The following SNX9 variants were observed in gnomAD, a reference collection of about 807,000 sequenced individuals.
SNX9 encodes the protein sorting nexin 9, also known as sorting nexin-9.
In SNX9, 44 loss-of-function variants were observed where a neutral mutation model predicts 89.4. The ratio of observed to expected loss-of-function variants is 0.49; its 90% CI spans 0.39 to 0.63. The LOEUF (loss-of-function observed/expected upper bound fraction) is 0.63. Among genes scored for constraint, SNX9 ranks in the 30% least tolerant of loss-of-function variants. The pLI, the probability that SNX9 is intolerant of heterozygous loss-of-function variation, is 0.00. For missense variants in SNX9, 578 were observed against 736.1 expected (o/e 0.79, Z 2.49); for synonymous variants, 236 against 247.8 (o/e 0.95, Z 0.45).
At chr6:157,901,773 C>G in intron 5 of SNX9, 125 bp from the exon 6 acceptor site, 1 of 1,118,492 alleles carries the variant, frequency 8.9e-7, no homozygotes, top group Non-Finnish European at 1.3e-6. Context: ...ATACTATACC[C>G]TTTTCTCCAT....
At chr6:157,918,663 T>G (rs1399948197) in intron 9 of SNX9, among the ~76,000 whole-genome samples, 13 of 152,172 alleles carry the variant, frequency 8.5e-5, no homozygotes, top group Non-Finnish European at 1.9e-4. Context: ...TGTTTGCTTC[T>G]TTTTCCTCCT....
chr6:157,928,515 G>A, intron 11 of SNX9, 84 bp from the exon 12 acceptor site: 1 of 1,019,040 alleles, frequency 9.8e-7, no homozygotes. Flanking sequence ...GAAAACAAGT[G>A]TCTGTGGTTA....
At chr6:157,906,944 G>A (rs758753700) in intron 7 of SNX9, among the ~76,000 whole-genome samples, 1 of 152,164 alleles carries the variant, frequency 6.6e-6, no homozygotes, top group Non-Finnish European at 1.5e-5. Flanking sequence ...GGACTCAATC[G>A]AGGATGAGGA....
intron 1 of SNX9, among the ~76,000 whole-genome samples, chr6:157,858,662 A>G (rs1388311727): frequency 3.3e-5 from 5 of 152,198 alleles, no homozygotes; most frequent in Non-Finnish European, 5.9e-5. Context: ...GTAAAGACAT[A>G]CCTGAGACTG....
chr6:157,872,881 C>G, intron 2 of SNX9: 1 of 378,420 alleles, frequency 2.6e-6, no homozygotes. Context: ...AATCTTTGAT[C>G]ACTTATTATT....
rs147550162 is a variant in SNX9 at position 157,853,999 on chromosome 6, T to G, written c.13-13548T>G. Among the ~76,000 whole-genome samples, 28 of 152,364 alleles carry G rather than the reference T, an allele frequency of 1.8e-4. 1 individual carries two copies. The East Asian group carries it at 3.7e-3, about 20-fold the overall frequency. ...GAGGATTTGAACCTATGTGCCTGGC[T>G]TCAAAGCCAGCTTATCATTGGTATG... On this transcript the variant is annotated intron_variant, in intron 1 of 17. Coordinates refer to ENST00000392185, the MANE Select transcript of SNX9 (RefSeq NM_016224.5).
intron 1 of SNX9, among the ~76,000 whole-genome samples, chr6:157,832,540 C>T (rs771200128): frequency 2.0e-5 from 3 of 152,102 alleles, no homozygotes; most frequent in Non-Finnish European, 4.4e-5. Context: ...AAGAAATACC[C>T]GAGGCTAGGT....
At chr6:157,865,735 T>C (rs1782248685) in intron 1 of SNX9, among the ~76,000 whole-genome samples, 1 of 152,254 alleles carries the variant, frequency 6.6e-6, no homozygotes, top group Non-Finnish European at 1.5e-5. Context: ...TTTGGCTTTT[T>C]TTTCTTAGTC....
intron 14 of SNX9, among the ~76,000 whole-genome samples, chr6:157,936,886 AT>A (rs1056713835): frequency 3.3e-5 from 5 of 152,048 alleles, no homozygotes; most frequent in African/African-American, 1.2e-4. Flanking sequence ...ATTAAAAAAA[AT>A]TTTTTTTCAG....
rs1583253919 is a variant in SNX9, at chr6:157,944,476, C to G, written c.*1638C>G. The G allele has an allele frequency of 6.6e-6, 1 of 152,662 alleles. No homozygotes were observed. The highest frequency in any genetic ancestry group is 1.9e-4 in the East Asian group (1 of 5,190). 9.5% of individuals were successfully genotyped at this position (152,662 alleles called of 1,614,324 possible). On this transcript the variant is annotated 3_prime_UTR_variant, in exon 18 of 18. Transcript: ENST00000392185. ...GAATGTAAGAGCATGTAGAAGCCAA[C>G]ATATAAATAAATTGTTTAAAAAAAC...
intron 1 of SNX9, among the ~76,000 whole-genome samples, chr6:157,848,357 A>T (rs1055157463): frequency 6.6e-6 from 1 of 152,210 alleles, no homozygotes; most frequent in Non-Finnish European, 1.5e-5. Flanking sequence ...TGGGCAGGCT[A>T]TTAGGGGAAA....
chr6:157,882,370 A>G (rs1434072279), intron 4 of SNX9, among the ~76,000 whole-genome samples: 1 of 152,224 alleles, frequency 6.6e-6, no homozygotes, highest in Non-Finnish European at 1.5e-5. Flanking sequence ...ATGGAGATGT[A>G]CATGAAGATT....
intron 10 of SNX9, among the ~76,000 whole-genome samples, chr6:157,926,627 C>G (rs1007944794): frequency 4.6e-5 from 7 of 151,414 alleles, no homozygotes; most frequent in Non-Finnish European, 8.8e-5. Context: ...ACAAAAAATA[C>G]AAAAATTAGC....
chr6:157,904,747 T>C (rs932050772), intron 6 of SNX9, among the ~76,000 whole-genome samples: 3 of 152,102 alleles, frequency 2.0e-5, no homozygotes, highest in Admixed American at 6.5e-5. Context: ...TAAATAAAAG[T>C]GTTGCAGGTT....
rs773488655 is a variant in SNX9, at chr6:157,937,420, G to T, written c.1444-14G>T. On this transcript the variant is annotated splice_polypyrimidine_tract_variant and intron_variant, in intron 14 of 17. Coordinates refer to ENST00000392185, the MANE Select transcript of SNX9 (RefSeq NM_016224.5). Reference sequence around the variant, plus strand: ...TTTCTCTGCCAGTAACAATCAGCTTGTATCTTGTTATAGCCAAAGAAAGAT... The same window carrying T: ...TTTCTCTGCCAGTAACAATCAGCTTTTATCTTGTTATAGCCAAAGAAAGAT... 26 of 1,592,392 alleles carry T rather than the reference G, an allele frequency of 1.6e-5. No homozygotes were observed. The highest frequency in any genetic ancestry group is 2.1e-5 in the Non-Finnish European group (24 of 1,161,092).
intron 9 of SNX9, among the ~76,000 whole-genome samples, chr6:157,912,693 C>G (rs967332889): frequency 6.6e-6 from 1 of 152,136 alleles, no homozygotes; most frequent in African/African-American, 2.4e-5. Flanking sequence ...CTATGACATT[C>G]CTGTGGACTC....
At chr6:157,826,586 T>C (rs1712868449) in intron 1 of SNX9, among the ~76,000 whole-genome samples, 1 of 149,810 alleles carries the variant, frequency 6.7e-6, no homozygotes, top group South Asian at 2.1e-4. Context: ...CCTTACTCAG[T>C]AGAGTGCTGC....
At chr6:157,899,730 C>T (rs777820684) in intron 5 of SNX9, among the ~76,000 whole-genome samples, 4 of 152,022 alleles carry the variant, frequency 2.6e-5, no homozygotes, top group South Asian at 2.1e-4. Context: ...GCCAAGATTG[C>T]GCCACTGCAC....
chr6:157,844,230 A>G (rs894659455), intron 1 of SNX9, among the ~76,000 whole-genome samples: 1 of 152,192 alleles, frequency 6.6e-6, no homozygotes, highest in Non-Finnish European at 1.5e-5. Context: ...ATAGAGAAAG[A>G]GTAATTCATG....
Sources: gnomAD v4.1 joint callset for allele counts (sites outside exome capture counted in the v4.1 genomes callset) on GRCh38, gnomAD v4.1.1 for gene constraint, MANE v1.5 for transcripts, NCBI Gene and HGNC (gene_info 2026-07-23, HGNC 2026-07-21) for gene names.